Variants in TAF15 observed in about 807,000 individuals in gnomAD.
TAF15 encodes TATA-binding protein-associated factor 2N.
TAF15 carries 37 observed loss-of-function variants against 102.5 expected under a neutral mutation model. The observed-to-expected ratio is 0.36, with a 90% CI of 0.28 to 0.47. The LOEUF (loss-of-function observed/expected upper bound fraction) is 0.47, where lower values mean the gene tolerates loss of function less well. Among genes scored for constraint, TAF15 ranks in the 20% least tolerant of loss-of-function variants. TAF15 has a pLI of 0.99. For missense variants in TAF15, 652 were observed against 760.7 expected (o/e 0.86, Z 1.68); for synonymous variants, 273 against 259.2 (o/e 1.05, Z -0.51).
chr17:35,810,545 C>G (rs1239886694), intron 1 of TAF15: 1 of 152,210 alleles, frequency 6.6e-6, no homozygotes, highest in Non-Finnish European at 1.5e-5. Flanking sequence ...GCCGCAAAGA[C>G]CCAGGTGTCT....
At chr17:35,842,501 G>GAC in intron 12 of TAF15, 42 bp downstream of exon 12, 1 of 1,472,434 alleles carries the variant, frequency 6.8e-7, no homozygotes, top group Non-Finnish European at 9.4e-7. Flanking sequence ...CTATCCAAGG[G>GAC]TTTAAGTTTG....
At chr17:35,837,360 G>C (rs993746146) in intron 10 of TAF15, among the ~76,000 whole-genome samples, 1 of 151,072 alleles carries the variant, frequency 6.6e-6, no homozygotes, top group Non-Finnish European at 1.5e-5. Context: ...CCCTATTATT[G>C]CCCAGGCTGG....
intron 8 of TAF15, 127 bp downstream of exon 8, chr17:35,834,068 TA>T: frequency 1.6e-5 from 11 of 705,338 alleles, no homozygotes; most frequent in East Asian, 3.0e-5. Context: ...TTGTGTGCTT[TA>T]AAAAAAATTT....
Position 35,844,822 on chromosome 17 carries a change from A to ATGGAGGAGAT in TAF15, c.1523_1524insTGGAGGAGAT (p.Gly513ArgfsTer77), listed in dbSNP as rs1476889986. The ATGGAGGAGAT allele has an allele frequency of 1.4e-5, 22 of 1,591,828 alleles. No individual in the cohort carries two copies. Among genetic ancestry groups the ATGGAGGAGAT allele is most frequent in the Middle Eastern group, 1.7e-4 (1 of 5,900 alleles). ...GGCTATGGAGGAGATCGAGGAGGTT[A>ATGGAGGAGAT]CGGAGGAGATCGAGGAGGTTATGGA... On this transcript the variant is annotated frameshift_variant, in exon 15 of 16. Transcript: ENST00000605844. LOFTEE classifies it high-confidence loss of function.
chr17:35,822,534 G>A (rs1412526808), intron 5 of TAF15, 106 bp from the exon 6 acceptor site: 1 of 1,020,260 alleles, frequency 9.8e-7, no homozygotes, highest in Non-Finnish European at 1.5e-6. Flanking sequence ...CATAAATATG[G>A]TTAATGTCTC....
chr17:35,817,564 A>G (rs1454906687), intron 1 of TAF15, 152 bp from the exon 2 acceptor site: 31 of 691,344 alleles, frequency 4.5e-5, no homozygotes, highest in Non-Finnish European at 7.3e-5. Flanking sequence ...TATTTGTACA[A>G]ATTTCTTGTT....
At chr17:35,824,251 T>G in intron 7 of TAF15, 53 bp downstream of exon 7, 1 of 1,603,672 alleles carries the variant, frequency 6.2e-7, no homozygotes, top group South Asian at 1.1e-5. Context: ...CTTTTTTTTT[T>G]TTTTAAGGTG....
chr17:35,841,151 G>C (rs1309566726), intron 11 of TAF15, among the ~76,000 whole-genome samples: 1 of 151,970 alleles, frequency 6.6e-6, no homozygotes, highest in Non-Finnish European at 1.5e-5. Context: ...TTTTTAAAAA[G>C]TTACCAATTG....
intron 1 of TAF15, among the ~76,000 whole-genome samples, chr17:35,816,564 T>C (rs563639053): frequency 7.9e-5 from 12 of 152,314 alleles, no homozygotes; most frequent in African/African-American, 2.6e-4. Flanking sequence ...TGTTTCAAAT[T>C]GAGTGAGGTT....
At chr17:35,820,566 G>C (rs1275676914) in intron 5 of TAF15, 129 bp downstream of exon 5, 2 of 760,538 alleles carry the variant, frequency 2.6e-6, no homozygotes, top group Non-Finnish European at 2.2e-6. Context: ...ATGGAGTGTG[G>C]ATTTTACAAC....
chr17:35,846,335 G>T (rs1435632348), intron 15 of TAF15, among the ~76,000 whole-genome samples: 1 of 152,176 alleles, frequency 6.6e-6, no homozygotes, highest in African/African-American at 2.4e-5. Context: ...TGTACTAGTT[G>T]CTGGCCCAGA....
Position 35,844,145 on chromosome 17 carries a change from G to C in TAF15, c.1075G>C (p.Val359Leu). 6.2e-7 allele frequency: 1 copy of C among 1,614,186 alleles called. No individual in the cohort carries two copies. Among genetic ancestry groups the C allele is most frequent in the South Asian group, 1.1e-5 (1 of 91,076 alleles). ...TGGAGACCCCAAAAGTGGGGATTGGGTTTGCCCTAATCCGTAAGTGTCTTG... is the reference window on the plus strand; with the variant it reads ...TGGAGACCCCAAAAGTGGGGATTGGCTTTGCCCTAATCCGTAAGTGTCTTG... Reference protein sequence around the residue: ...RGGDPKSGDWVCPNPSCGNMN... With the variant: ...RGGDPKSGDWLCPNPSCGNMN... The change falls in exon 13 of 16, where the codon GTT becomes CTT. Residue 359 changes from valine to leucine, a missense_variant. Physicochemically the swap from Val to Leu is conservative, Grantham distance 32 (BLOSUM62 1). Around this residue, in one of 3 missense-constraint regions of TAF15, gnomAD observed 368 missense variants for 367.5 expected, o/e 1.00. Coordinates refer to ENST00000605844, the MANE Select transcript of TAF15 (RefSeq NM_139215.3).
intron 1 of TAF15, among the ~76,000 whole-genome samples, chr17:35,812,307 TGAA>T (rs1354468781): frequency 2.0e-5 from 3 of 152,068 alleles, no homozygotes; most frequent in East Asian, 3.8e-4. Context: ...GTTAAAAACA[TGAA>T]GAACGGCTGG....
chr17:35,813,546 G>A (rs1206659491), intron 1 of TAF15, among the ~76,000 whole-genome samples: 2 of 151,902 alleles, frequency 1.3e-5, no homozygotes. Context: ...TGAAGTGGGA[G>A]GATTGCTTGA....
Position 35,847,164 on chromosome 17 carries a change from T to C in TAF15, c.*219T>C. The C allele has an allele frequency of 1.6e-6, 1 of 619,034 alleles. No homozygotes were observed. Among genetic ancestry groups the C allele is most frequent in the Non-Finnish European group, 2.9e-6 (1 of 350,802 alleles). 38.3% of individuals were successfully genotyped at this position (619,034 alleles called of 1,614,324 possible). A position where few individuals can be genotyped will look rare whatever the true frequency, so the allele number is the denominator to read the frequency against. On this transcript the variant is annotated 3_prime_UTR_variant, in exon 16 of 16. Coordinates refer to ENST00000605844, the MANE Select transcript of TAF15 (RefSeq NM_139215.3). ...CTTCTCCCCAACCCTTGGAGCTAAA[T>C]GCGTTGTAAAATATTGCCAAAATGA...
At chr17:35,810,526 G>T (rs1490465516) in intron 1 of TAF15, 1 of 152,218 alleles carries the variant, frequency 6.6e-6, no homozygotes. Context: ...TTGTTAGGCT[G>T]CATCACGGGC....
At chr17:35,829,719 G>A (rs1360841604) in intron 7 of TAF15, among the ~76,000 whole-genome samples, 1 of 150,394 alleles carries the variant, frequency 6.6e-6, no homozygotes, top group African/African-American at 2.4e-5. Context: ...AGAAGCATCT[G>A]AAATGGAATC....
intron 1 of TAF15, among the ~76,000 whole-genome samples, chr17:35,814,288 C>G (rs2087166030): frequency 6.6e-6 from 1 of 151,874 alleles, no homozygotes; most frequent in Admixed American, 6.6e-5. Context: ...GCCTCAGCCT[C>G]CCGAGTAACT....
At chr17:35,822,965 CT>C (rs1466090674) in intron 6 of TAF15, 132 bp downstream of exon 6, 16 of 1,101,300 alleles carry the variant, frequency 1.5e-5, no homozygotes, top group Admixed American at 5.9e-5. Context: ...TATGTTCCCT[CT>C]CATGGTAATC....
Sources: gnomAD v4.1 joint callset for allele counts (sites outside exome capture counted in the v4.1 genomes callset) on GRCh38, gnomAD v4.1.1 for gene constraint, gnomAD v4.1.1 regional missense constraint, MANE v1.5 for transcripts, NCBI Gene and HGNC (gene_info 2026-07-23, HGNC 2026-07-21) for gene names.